Variants in ANO4 observed in about 807,000 individuals in gnomAD.
The protein encoded by ANO4 is anoctamin 4, also known as anoctamin-4.
ANO4 carries 69 observed loss-of-function variants against 141.9 expected under a neutral mutation model. The ratio of observed to expected loss-of-function variants is 0.49; its 90% CI spans 0.40 to 0.59. The LOEUF is 0.59. Among genes scored for constraint, ANO4 ranks in the 20% least tolerant of loss-of-function variants. The probability of loss-of-function intolerance (pLI) is 0.00; values close to 1 mark genes in which losing one functional copy is unlikely to be tolerated. For missense variants in ANO4, 894 were observed against 1,162.2 expected (o/e 0.77, Z 3.36); for synonymous variants, 350 against 394.3 (o/e 0.89, Z 1.33).
At chr12:101,064,563 G>A (rs904374195) in intron 14 of ANO4, among the ~76,000 whole-genome samples, 1 of 151,920 alleles carries the variant, frequency 6.6e-6, no homozygotes, top group Non-Finnish European at 1.5e-5. Flanking sequence ...AATGCCTAAT[G>A]TACATGATGG....
chr12:100,863,683 TAAC>T (rs1393707193), intron 1 of ANO4, among the ~76,000 whole-genome samples: 1 of 152,186 alleles, frequency 6.6e-6, no homozygotes, highest in Non-Finnish European at 1.5e-5. Flanking sequence ...TATTAAAACT[TAAC>T]AATAATTGTG....
At chr12:100,782,317 A>G (rs73147633) in intron 3 of ANO4, among the ~76,000 whole-genome samples, 7,203 of 152,220 alleles carry the variant, frequency 0.047, 184 homozygotes, top group Non-Finnish European at 0.066. Context: ...CATAGAAAGA[A>G]CCTATTCTTT....
chr12:100,734,163 T>C (rs1285021374), intron 2 of ANO4, among the ~76,000 whole-genome samples: 2 of 152,242 alleles, frequency 1.3e-5, no homozygotes, highest in Admixed American at 1.3e-4. Context: ...ATGCACTTGA[T>C]AGTACAATCG....
At chr12:101,025,371 G>A (rs1566142221) in intron 9 of ANO4, among the ~76,000 whole-genome samples, 1 of 152,186 alleles carries the variant, frequency 6.6e-6, no homozygotes, top group Non-Finnish European at 1.5e-5. Flanking sequence ...TCTCTAAGTT[G>A]AGAAGTTGTT....
chr12:100,978,237 G>A (rs546306273), intron 7 of ANO4, among the ~76,000 whole-genome samples: 14 of 152,308 alleles, frequency 9.2e-5, no homozygotes, highest in South Asian at 2.1e-4. Context: ...CTCCACATGC[G>A]TGTATGAGGA....
intron 14 of ANO4, chr12:101,066,880 G>A (rs569115527): frequency 1.2e-4 from 125 of 1,038,860 alleles, no homozygotes; most frequent in Non-Finnish European, 1.7e-4. Flanking sequence ...AATTTACAGT[G>A]CACACAAAGA....
intron 1 of ANO4, among the ~76,000 whole-genome samples, chr12:100,846,735 C>G (rs1181803332): frequency 6.6e-6 from 1 of 152,158 alleles, no homozygotes; most frequent in Non-Finnish European, 1.5e-5. Flanking sequence ...CTGGCTATCT[C>G]TCCTGCCACC....
chr12:101,002,101 T>G (rs2045669724), intron 8 of ANO4, among the ~76,000 whole-genome samples: 1 of 152,134 alleles, frequency 6.6e-6, no homozygotes, highest in Admixed American at 6.5e-5. Flanking sequence ...TGCCATTGCC[T>G]TAGTGGAAGC....
chr12:100,941,226 A>C (rs1488987208), intron 4 of ANO4, among the ~76,000 whole-genome samples: 1 of 151,986 alleles, frequency 6.6e-6, no homozygotes, highest in Non-Finnish European at 1.5e-5. Context: ...AAAAAAAAAA[A>C]AGAGAAACAC....
chr12:100,792,884 C>G (rs1444013986), upstream of ANO4, among the ~76,000 whole-genome samples: 1 of 152,202 alleles, frequency 6.6e-6, no homozygotes, highest in Non-Finnish European at 1.5e-5. Context: ...CAGATAAAAA[C>G]AAACATTCAG....
At chr12:100,875,901 A>G (rs1000996118) in intron 1 of ANO4, among the ~76,000 whole-genome samples, 3 of 152,176 alleles carry the variant, frequency 2.0e-5, no homozygotes, top group African/African-American at 7.2e-5. Context: ...GGCCATGTCA[A>G]GTTTGAAATA....
intron 1 of ANO4, among the ~76,000 whole-genome samples, chr12:100,853,910 A>G (rs1166644559): frequency 6.6e-6 from 1 of 152,084 alleles, no homozygotes; most frequent in Non-Finnish European, 1.5e-5. Context: ...ATAAACCATT[A>G]TTACTATTTT....
At chr12:101,111,453 A>C (rs745509217) in intron 23 of ANO4, 110 bp from the exon 24 acceptor site, 77 of 1,037,428 alleles carry the variant, frequency 7.4e-5, no homozygotes, top group Non-Finnish European at 9.3e-5. Flanking sequence ...AGTATTTGGA[A>C]AGATGAAGAA....
intron 1 of ANO4, among the ~76,000 whole-genome samples, chr12:100,832,152 C>T (rs1291129906): frequency 6.6e-6 from 1 of 152,000 alleles, no homozygotes; most frequent in Non-Finnish European, 1.5e-5. Flanking sequence ...CATTCCCCAC[C>T]CCCCAATCCT....
intron 3 of ANO4, among the ~76,000 whole-genome samples, chr12:100,938,737 A>G (rs1375157951): frequency 6.6e-6 from 1 of 152,182 alleles, no homozygotes; most frequent in Non-Finnish European, 1.5e-5. Flanking sequence ...GGCTCACTTC[A>G]TTATTTCAAT....
intron 14 of ANO4, among the ~76,000 whole-genome samples, chr12:101,064,704 A>G (rs571385072): frequency 1.3e-3 from 189 of 150,148 alleles, no homozygotes; most frequent in South Asian, 4.4e-3. Flanking sequence ...ATAAAAGATT[A>G]GTAGTTCCCC....
chr12:101,019,504 G>A (rs981891128), intron 8 of ANO4, among the ~76,000 whole-genome samples: 2 of 152,066 alleles, frequency 1.3e-5, no homozygotes, highest in African/African-American at 4.8e-5. Context: ...TCCTATTCAC[G>A]AAAGAACATG....
intron 8 of ANO4, among the ~76,000 whole-genome samples, chr12:100,989,464 G>A (rs1438453739): frequency 1.3e-5 from 2 of 152,182 alleles, no homozygotes; most frequent in South Asian, 2.1e-4. Flanking sequence ...ACCTGTTTAT[G>A]ATAGAGTTCC....
At chr12:100,872,541 G>A (rs768286849) in intron 1 of ANO4, among the ~76,000 whole-genome samples, 2 of 152,166 alleles carry the variant, frequency 1.3e-5, no homozygotes, top group Non-Finnish European at 2.9e-5. Flanking sequence ...TTTCAGCTAA[G>A]CAAGTCATTA....
Sources: gnomAD v4.1 joint callset for allele counts (sites outside exome capture counted in the v4.1 genomes callset) on GRCh38, gnomAD v4.1.1 for gene constraint, MANE v1.5 for transcripts, NCBI Gene and HGNC (gene_info 2026-07-23, HGNC 2026-07-21) for gene names.